The following JARID2 variants were observed in gnomAD, a reference collection of about 807,000 sequenced individuals.
JARID2 encodes the protein protein Jumonji.
JARID2 carries 21 observed loss-of-function variants against 125.6 expected under a neutral mutation model. That is an observed-to-expected ratio of 0.17 (90% confidence interval 0.12 to 0.24). The LOEUF (loss-of-function observed/expected upper bound fraction) is 0.24, where lower values mean the gene tolerates loss of function less well. Ranked by LOEUF, JARID2 falls within the 10% of genes least tolerant of loss-of-function variation. The pLI, the probability that JARID2 is intolerant of heterozygous loss-of-function variation, is 1.00. For missense variants in JARID2, 1,303 were observed against 1,639.6 expected, an observed-to-expected ratio of 0.79 and a Z score of 3.55; for synonymous variants, 736 against 661.6, an observed-to-expected ratio of 1.11 and a Z score of -1.73.
chr6:15,266,902 A>T (rs1043808223), intron 1 of JARID2, among the ~76,000 whole-genome samples: 3 of 152,216 alleles, frequency 2.0e-5, no homozygotes, highest in Non-Finnish European at 4.4e-5. Flanking sequence ...CTGCATGTCC[A>T]GGAGGATCAC....
chr6:15,451,007 A>G (rs1767897532), intron 3 of JARID2, among the ~76,000 whole-genome samples: 1 of 152,156 alleles, frequency 6.6e-6, no homozygotes, highest in Non-Finnish European at 1.5e-5. Context: ...TACAAAAAAT[A>G]CCAAAATTAG....
Position 15,496,509 on chromosome 6 carries a change from G to C in JARID2, c.1284G>C (p.Arg428=). ...CTKEVGGRQL[R]EGLQLREGLR... is the part of the protein sequence containing the mutation. ...AGGAGGTGGGGGGGCGGCAGCTGCG[G>C]GAGGGCCTGCAGCTGCGGGAGGGGC... The change falls in exon 7 of 18, where the codon CGG becomes CGC. Residue 428 remains arginine, a synonymous_variant. Coordinates refer to ENST00000341776, the MANE Select transcript of JARID2 (RefSeq NM_004973.4). 1.2e-6 allele frequency: 2 copies of C among 1,607,306 alleles called. No individual in the cohort carries two copies. Among genetic ancestry groups the C allele is most frequent in the Non-Finnish European group, 1.7e-6 (2 of 1,177,018 alleles).
intron 1 of JARID2, among the ~76,000 whole-genome samples, chr6:15,309,631 A>G (rs1172959217): frequency 1.3e-5 from 2 of 152,148 alleles, no homozygotes. Context: ...TAGTAAATAT[A>G]TGTATACATA....
chr6:15,307,681 TTGTAGTC>T (rs1316790681), intron 1 of JARID2, among the ~76,000 whole-genome samples: 5 of 152,322 alleles, frequency 3.3e-5, no homozygotes, highest in Middle Eastern at 3.4e-3. Flanking sequence ...ATTGAAAACT[TTGTAGTC>T]TGTGGGGAGA....
chr6:15,518,089 A>G (rs191633258), intron 17 of JARID2, among the ~76,000 whole-genome samples: 154 of 152,382 alleles, frequency 1.0e-3, no homozygotes, highest in African/African-American at 3.5e-3. Context: ...TGTTTCAAAG[A>G]GCATGCTGGG....
At chr6:15,377,837 TGGATAA>T (rs71801318) in intron 2 of JARID2, among the ~76,000 whole-genome samples, 60,707 of 150,628 alleles carry the variant, frequency 0.4, 12,279 homozygotes, top group Admixed American at 0.47. Context: ...CGAGCCAGGA[TGGATAA>T]GTCCATGCAA....
intron 1 of JARID2, among the ~76,000 whole-genome samples, chr6:15,323,754 G>C (rs1762433631): frequency 6.6e-6 from 1 of 152,134 alleles, no homozygotes; most frequent in East Asian, 1.9e-4. Flanking sequence ...AATTAGCCGG[G>C]TGTGGTGGTG....
intron 1 of JARID2, among the ~76,000 whole-genome samples, chr6:15,270,075 T>C (rs1468029886): frequency 6.6e-6 from 1 of 152,228 alleles, no homozygotes; most frequent in African/African-American, 2.4e-5. Context: ...TTGTAACTGA[T>C]GAAATGATTT....
chr6:15,428,371 T>G (rs1489645470), intron 3 of JARID2, among the ~76,000 whole-genome samples: 1 of 152,106 alleles, frequency 6.6e-6, no homozygotes, highest in Non-Finnish European at 1.5e-5. Context: ...CTGCACCCAT[T>G]AACTCATCAT....
intron 1 of JARID2, among the ~76,000 whole-genome samples, chr6:15,334,250 C>T (rs1372124867): frequency 1.3e-5 from 2 of 152,134 alleles, no homozygotes; most frequent in African/African-American, 4.8e-5. Flanking sequence ...TGTCAGTGTG[C>T]TGCATAATGG....
chr6:15,345,180 A>T (rs992222324), intron 1 of JARID2, among the ~76,000 whole-genome samples: 1 of 152,154 alleles, frequency 6.6e-6, no homozygotes, highest in Non-Finnish European at 1.5e-5. Context: ...GCTTATCTAT[A>T]TATGTAGATA....
At chr6:15,424,555 T>C (rs1327005865) in intron 3 of JARID2, among the ~76,000 whole-genome samples, 1 of 152,144 alleles carries the variant, frequency 6.6e-6, no homozygotes, top group East Asian at 1.9e-4. Context: ...GCTCTGTTGA[T>C]GTTAATAACA....
At chr6:15,266,487 C>A (rs940236935) in intron 1 of JARID2, among the ~76,000 whole-genome samples, 1 of 152,168 alleles carries the variant, frequency 6.6e-6, no homozygotes, top group Admixed American at 6.5e-5. Flanking sequence ...ATTTGCAGGG[C>A]CTCATAAGGA....
rs1424584597 is a variant in JARID2, at chr6:15,496,410, G to T, written c.1185G>T (p.Gly395=). The T allele has an allele frequency of 3.0e-5, 48 of 1,613,828 alleles. No homozygotes were observed. The highest frequency in any genetic ancestry group is 3.9e-5 in the Non-Finnish European group (46 of 1,179,920). ...KTRKQVLSLG[G]ASKSTGPAVN... ...GCAAACAGGTGCTATCCCTCGGGGG[G>T]GCGTCCAAGTCCACTGGGCCCGCCG... The change falls in exon 7 of 18, where the codon GGG becomes GGT. Residue 395 remains glycine (G), a synonymous_variant. Coordinates refer to ENST00000341776, the MANE Select transcript of JARID2 (RefSeq NM_004973.4).
At chr6:15,299,363 G>T (rs1398557159) in intron 1 of JARID2, among the ~76,000 whole-genome samples, 1 of 152,162 alleles carries the variant, frequency 6.6e-6, no homozygotes, top group Non-Finnish European at 1.5e-5. Context: ...GTTTGGTAGA[G>T]GAAGGGATGA....
intron 7 of JARID2, among the ~76,000 whole-genome samples, chr6:15,497,430 G>A (rs999629239): frequency 6.6e-6 from 1 of 152,116 alleles, no homozygotes; most frequent in Non-Finnish European, 1.5e-5. Flanking sequence ...GGGAGGCTGA[G>A]GCGGGCAGAT....
chr6:15,509,608 C>T (rs1376127331), intron 12 of JARID2, among the ~76,000 whole-genome samples: 1 of 152,252 alleles, frequency 6.6e-6, no homozygotes, highest in African/African-American at 2.4e-5. Flanking sequence ...AGGCCACCAG[C>T]TGGGGAGGGG....
intron 2 of JARID2, among the ~76,000 whole-genome samples, chr6:15,400,379 CAAATAA>C (rs747382510): frequency 1.6e-4 from 24 of 150,672 alleles, no homozygotes; most frequent in Middle Eastern, 3.5e-3. Context: ...GCCAAAAAAA[CAAATAA>C]AAATAAATAA....
At chr6:15,430,766 T>C (rs904006789) in intron 3 of JARID2, among the ~76,000 whole-genome samples, 5 of 152,164 alleles carry the variant, frequency 3.3e-5, no homozygotes, top group African/African-American at 1.2e-4. Context: ...CTGCTAACTC[T>C]TGGGGGAATG....
Sources: gnomAD v4.1 joint callset for allele counts (sites outside exome capture counted in the v4.1 genomes callset) on GRCh38, gnomAD v4.1.1 for gene constraint, MANE v1.5 for transcripts, NCBI Gene and HGNC (gene_info 2026-07-23, HGNC 2026-07-21) for gene names.